CACNA1C: variants seen among roughly 807,000 people sequenced by gnomAD.
The protein encoded by CACNA1C is calcium voltage-gated channel subunit alpha1 C, also known as voltage-dependent L-type calcium channel subunit alpha-1C.
In CACNA1C, 30 loss-of-function variants were observed where a neutral mutation model predicts 229.0. The observed-to-expected ratio is 0.13, with a 90% CI of 0.10 to 0.18. The LOEUF (loss-of-function observed/expected upper bound fraction) is 0.18. CACNA1C is among the 10% of genes least tolerant of loss of function. The probability of loss-of-function intolerance (pLI) is 1.00; values close to 1 mark genes in which losing one functional copy is unlikely to be tolerated. For synonymous variants in CACNA1C, 1,114 were observed against 1,132.5 expected, an observed-to-expected ratio of 0.98 and a Z score of 0.33; for missense variants, 1,658 against 2,845.0, an observed-to-expected ratio of 0.58 and a Z score of 9.49.
At position 2,690,649 on chromosome 12, in the gene CACNA1C, A is replaced by T. The variant is rs77390369; in HGVS notation, c.6118-251A>T. 5.8e-4 allele frequency among the ~76,000 whole-genome samples: 88 copies of T among 152,296 alleles called. No individual in the cohort carries two copies. In the East Asian group the frequency reaches 8.9e-3, roughly 15 times the overall value. Reference sequence around the variant, plus strand: ...TGCTGGGCCATAAGCAAGTCTTCATATATTTGATGACAGTGTTTGACCACC... The same window carrying T: ...TGCTGGGCCATAAGCAAGTCTTCATTTATTTGATGACAGTGTTTGACCACC... On this transcript the variant is annotated intron_variant, in intron 46 of 46. Transcript: ENST00000399655.
At position 2,692,062 on chromosome 12, in the gene CACNA1C, A is replaced by G. The variant is rs1183273151; in HGVS notation, c.*863A>G. 1.3e-5 allele frequency: 2 copies of G among 152,230 alleles called. No individual in the cohort carries two copies. Among genetic ancestry groups the G allele is most frequent in the East Asian group, 1.9e-4 (1 of 5,180 alleles). 9.4% of individuals were successfully genotyped at this position (152,230 alleles called of 1,614,324 possible). A position where few individuals can be genotyped will look rare whatever the true frequency, so the allele number is the denominator to read the frequency against. On this transcript the variant is annotated 3_prime_UTR_variant, in exon 47 of 47. Coordinates refer to ENST00000399655, the MANE Select transcript of CACNA1C (RefSeq NM_000719.7). ...CACCTTTCTGTTTTCACTTTTGCCA[A>G]TGTACATCGGGTTTGGTTTTCTTGT...
Position 2,527,045 on chromosome 12 carries a change from A to G in CACNA1C, c.1390+14061A>G, listed in dbSNP as rs112704158. Among the ~76,000 whole-genome samples, 1,029 of 152,286 alleles carry G rather than the reference A, an allele frequency of 6.8e-3. 6 individuals are homozygous for G. The highest frequency in any genetic ancestry group is 0.011 in the Non-Finnish European group (735 of 68,020). On this transcript the variant is annotated intron_variant, in intron 9 of 46. Transcript: ENST00000399655. ...AATATATATATTTGAATTTTGATAA[A>G]GTTATTCAGTGTTTTGTTTTATTCT...
intron 1 of CACNA1C, among the ~76,000 whole-genome samples, chr12:2,042,561 A>G (rs2050301696): frequency 6.6e-6 from 1 of 152,190 alleles, no homozygotes; most frequent in Non-Finnish European, 1.5e-5. Flanking sequence ...TTGTCTGGGC[A>G]CCAGTATTTC....
At chr12:2,548,649 G>A (rs1434168840) in intron 9 of CACNA1C, among the ~76,000 whole-genome samples, 4 of 152,090 alleles carry the variant, frequency 2.6e-5, no homozygotes, top group Admixed American at 6.5e-5. Flanking sequence ...TCAAACATAC[G>A]GTAAGTCGTG....
rs886049223 is a variant in CACNA1C, at chr12:2,692,768, G to A, written c.*1569G>A. 2.6e-5 allele frequency: 4 copies of A among 152,598 alleles called. No homozygotes were observed. The highest frequency in any genetic ancestry group is 1.3e-4 in the Admixed American group (2 of 15,284). The allele number at this position is 152,598 out of a possible 1,614,324, so 9.5% of individuals were successfully genotyped here. A position where few individuals can be genotyped will look rare whatever the true frequency, so the allele number is the denominator to read the frequency against. Reference sequence around the variant, plus strand: ...TGATAATGTTTCTGTTGAAGAAACCGTTATACTTGAATTCAGGTCAGTTTC... The same window carrying A: ...TGATAATGTTTCTGTTGAAGAAACCATTATACTTGAATTCAGGTCAGTTTC... On this transcript the variant is annotated 3_prime_UTR_variant, in exon 47 of 47. Transcript: ENST00000399655.
At chr12:2,097,079 T>G (rs995879390) in intron 1 of CACNA1C, among the ~76,000 whole-genome samples, 1 of 152,244 alleles carries the variant, frequency 6.6e-6, no homozygotes, top group Non-Finnish European at 1.5e-5. Flanking sequence ...CTTCAATTCT[T>G]TTGGGTATAT....
intron 3 of CACNA1C, among the ~76,000 whole-genome samples, chr12:2,345,267 G>A (rs535525942): frequency 3.9e-5 from 6 of 152,108 alleles, no homozygotes; most frequent in Admixed American, 2.0e-4. Flanking sequence ...GAAGGATGCT[G>A]TGGCATAGAT....
In CACNA1C at chr12:2,146,959, C is replaced by T. The variant is rs144726118; in HGVS notation, c.477+26529C>T. Among the ~76,000 whole-genome samples, 270 of 151,082 alleles carry T rather than the reference C, an allele frequency of 1.8e-3. 3 individuals carry two copies. The highest frequency in any genetic ancestry group is 6.0e-3 in the African/African-American group (250 of 41,418). ...AAGAGAGGGGAAGGACAGCCTGAGC[C>T]CTTCCAGACACAGGCAAAGGAGAGA... On this transcript the variant is annotated intron_variant, in intron 3 of 46. Coordinates refer to ENST00000399655, the MANE Select transcript of CACNA1C (RefSeq NM_000719.7).
intron 3 of CACNA1C, among the ~76,000 whole-genome samples, chr12:2,242,781 T>C (rs1241322222): frequency 6.6e-6 from 1 of 152,230 alleles, no homozygotes; most frequent in Non-Finnish European, 1.5e-5. Context: ...AGAGCAATAA[T>C]ATTTGGCTTG....
At chr12:2,421,345 C>T (rs1172093895) in intron 3 of CACNA1C, among the ~76,000 whole-genome samples, 4 of 152,182 alleles carry the variant, frequency 2.6e-5, no homozygotes, top group Non-Finnish European at 5.9e-5. Context: ...CTGAAGCAAA[C>T]TGGAGTCAAT....
At chr12:2,510,830 A>G (rs1028632431) in intron 8 of CACNA1C, among the ~76,000 whole-genome samples, 3 of 152,198 alleles carry the variant, frequency 2.0e-5, no homozygotes, top group Admixed American at 2.0e-4. Context: ...CTTGAAACAT[A>G]GTTTTTGGAG....
At chr12:2,155,145 G>A (rs530488166) in intron 3 of CACNA1C, among the ~76,000 whole-genome samples, 25 of 152,308 alleles carry the variant, frequency 1.6e-4, no homozygotes, top group African/African-American at 5.8e-4. Context: ...CACACACAGA[G>A]GCACACCCCT....
At chr12:2,182,356 T>C (rs1345436758) in intron 3 of CACNA1C, among the ~76,000 whole-genome samples, 2 of 152,122 alleles carry the variant, frequency 1.3e-5, no homozygotes, top group Non-Finnish European at 2.9e-5. Flanking sequence ...TTCTTCTGCT[T>C]CTGCTTCTAC....
chr12:2,673,425 C>T (rs11062307), intron 38 of CACNA1C, among the ~76,000 whole-genome samples: 6,535 of 148,352 alleles, frequency 0.044, 247 homozygotes, highest in East Asian at 0.12. Flanking sequence ...AAGATCGCGC[C>T]ATTGCACTCC....
At chr12:2,661,828 A>T (rs2095756300) in intron 34 of CACNA1C, among the ~76,000 whole-genome samples, 2 of 152,256 alleles carry the variant, frequency 1.3e-5, no homozygotes, top group South Asian at 4.1e-4. Flanking sequence ...AGATTAAAAG[A>T]TTAACAAAGA....
rs376866906 is a variant in CACNA1C at position 2,649,233 on chromosome 12, C to T, written c.3945+726C>T. ...GCGTTGGTTGAAGTGATAAAAGAGA[C>T]GCCATTCAGTGTGACCTTGAAGCCT... On this transcript the variant is annotated intron_variant, in intron 31 of 46. Transcript: ENST00000399655. The surrounding 1 kb of genome is among the most constrained non-coding windows in gnomAD (Gnocchi z 4.4). 1.6e-4 allele frequency among the ~76,000 whole-genome samples: 24 copies of T among 152,242 alleles called. No homozygotes were observed. Among genetic ancestry groups the T allele is most frequent in the African/African-American group, 2.2e-4 (9 of 41,470 alleles).
At chr12:2,069,464 TAAG>T (rs1000314471) in intron 1 of CACNA1C, among the ~76,000 whole-genome samples, 11 of 151,960 alleles carry the variant, frequency 7.2e-5, no homozygotes, top group South Asian at 2.1e-4. Flanking sequence ...AGAGAGAAAA[TAAG>T]AAGCAGAGGA....
At chr12:2,326,355 G>T (rs1311156740) in intron 3 of CACNA1C, among the ~76,000 whole-genome samples, 1 of 152,170 alleles carries the variant, frequency 6.6e-6, no homozygotes, top group Non-Finnish European at 1.5e-5. Flanking sequence ...TTTGAACTTT[G>T]ATTCAATAAG....
At chr12:2,559,276 A>AAATG (rs763809647) in intron 11 of CACNA1C, among the ~76,000 whole-genome samples, 15 of 152,372 alleles carry the variant, frequency 9.8e-5, no homozygotes, top group Middle Eastern at 3.4e-3. Flanking sequence ...ATAAATTAAT[A>AAATG]AATGAATGAA....
Sources: gnomAD v4.1 joint callset for allele counts (sites outside exome capture counted in the v4.1 genomes callset) on GRCh38, gnomAD v4.1.1 for gene constraint, Gnocchi (gnomAD v3.1) non-coding constraint, MANE v1.5 for transcripts, NCBI Gene and HGNC (gene_info 2026-07-23, HGNC 2026-07-21) for gene names.